Variants in ARL17B observed in about 807,000 individuals in gnomAD.
The protein encoded by ARL17B is ARF like GTPase 17B.
chr17:46,357,267 G>C (rs2052938618), intron 2 of ARL17B, among the ~76,000 whole-genome samples: 1 of 97,918 alleles, frequency 1.0e-5, no homozygotes, highest in South Asian at 3.8e-4. Context: ...GCCACCTGTG[G>C]GGTGTATCCT....
In ARL17B at chr17:46,325,547, A is replaced by G. The variant is rs1373290972; in HGVS notation, c.260-25882T>C. Among the ~76,000 whole-genome samples, 5 of 81,930 alleles carry G rather than the reference A, an allele frequency of 6.1e-5. 2 individuals carry two copies. The highest frequency in any genetic ancestry group is 1.6e-4 in the African/African-American group (5 of 32,124). The allele number at this position is 81,930 out of a possible 152,430, so 53.7% of individuals were successfully genotyped here. On this transcript the variant is annotated intron_variant, in intron 3 of 4. Transcript: ENST00000434041. ...AACAGTTCTAGATTGAAGGAGACTA[A>G]AGAATCATGTACTAAGTGTAATGTC...
At chr17:46,323,620 C>T (rs2051524740) in intron 3 of ARL17B, among the ~76,000 whole-genome samples, 1 of 98,136 alleles carries the variant, frequency 1.0e-5, no homozygotes, top group African/African-American at 3.3e-5. Flanking sequence ...TGGTTTCGAA[C>T]TCCTGACCTC....
chr17:46,291,845 C>T (rs1183037597), intron 4 of ARL17B, among the ~76,000 whole-genome samples: 1 of 151,892 alleles, frequency 6.6e-6, no homozygotes, highest in Non-Finnish European at 1.5e-5. Flanking sequence ...CCTGTAGTCC[C>T]AGATACTTGG....
intron 4 of ARL17B, among the ~76,000 whole-genome samples, chr17:46,276,864 C>T (rs1186385290): frequency 6.8e-6 from 1 of 147,572 alleles, no homozygotes; most frequent in Admixed American, 6.9e-5. Flanking sequence ...AGTGCAGTGG[C>T]ACAATCATGG....
intron 4 of ARL17B, among the ~76,000 whole-genome samples, chr17:46,285,660 G>C (rs1057319087): frequency 6.6e-6 from 1 of 152,232 alleles, no homozygotes; most frequent in African/African-American, 2.4e-5. Flanking sequence ...AGTCACGTTA[G>C]ATTATCTGAG....
Position 46,283,117 on chromosome 17 carries a change from C to CA in ARL17B, c.*22-7700dup, listed in dbSNP as rs551872314. ...CTGGCAACAGGGTGAGACTCCATCT[C>CA]AAAAAAATAAAATAAAATAACCGAG... On this transcript the variant is annotated intron_variant, in intron 4 of 4. Transcript: ENST00000570618. Among the ~76,000 whole-genome samples the CA allele has an allele frequency of 3.0e-3, 457 of 151,804 alleles. 3 individuals are homozygous for CA. The South Asian group carries it at 0.093, about 31-fold the overall frequency.
At position 46,317,024 on chromosome 17, in the gene ARL17B, C is replaced by T. The variant is rs933719319; in HGVS notation, c.260-17359G>A. ...CTATGTCTACTTCTTTCTACACAGA[C>T]ACAGCAACAATCTGATTTCTGTATC... is the stretch of plus-strand genomic sequence containing the variant. On this transcript the variant is annotated intron_variant, in intron 3 of 4. Coordinates refer to the ARL17B transcript ENST00000434041. Among the ~76,000 whole-genome samples, 4 of 95,600 alleles carry T rather than the reference C, an allele frequency of 4.2e-5. 1 individual carries two copies. Among genetic ancestry groups the T allele is most frequent in the African/African-American group, 1.3e-4 (4 of 31,920 alleles). 62.7% of individuals were successfully genotyped at this position (95,600 alleles called of 152,430 possible).
chr17:46,283,157 C>A (rs368856551), intron 4 of ARL17B, among the ~76,000 whole-genome samples: 5,056 of 127,158 alleles, frequency 0.04, no homozygotes, highest in Middle Eastern at 0.095. Context: ...CACAATTCAA[C>A]TGTAATAGAT....
chr17:46,282,111 GT>G (rs1302115502), intron 4 of ARL17B, among the ~76,000 whole-genome samples: 1 of 149,946 alleles, frequency 6.7e-6, no homozygotes, highest in African/African-American at 2.5e-5. Context: ...TTTTGTTTTT[GT>G]TTTTTTTTGA....
At chr17:46,276,755 T>C (rs1166600559) in intron 4 of ARL17B, among the ~76,000 whole-genome samples, 2 of 152,224 alleles carry the variant, frequency 1.3e-5, no homozygotes, top group East Asian at 1.9e-4. Flanking sequence ...GTTGTCTTTA[T>C]ACAATTCTTT....
At chr17:46,285,318 G>A (rs2049876029) in intron 4 of ARL17B, among the ~76,000 whole-genome samples, 2 of 147,924 alleles carry the variant, frequency 1.4e-5, no homozygotes, top group Admixed American at 1.4e-4. Flanking sequence ...TTGGCTCACT[G>A]CAACCTCTGC....
chr17:46,283,180 C>A lies in ARL17B; in HGVS notation c.*22-7762G>T, dbSNP rs1219032237. Among the ~76,000 whole-genome samples, 5 of 152,186 alleles carry A rather than the reference C, an allele frequency of 3.3e-5. No homozygotes were observed. In the South Asian group the frequency reaches 1.0e-3, roughly 31 times the overall value. ...AACTGTAATAGATACTATCAATTTACCCTCCAAAGTGACCATACCAATTTA... is the reference window on the plus strand; with the variant it reads ...AACTGTAATAGATACTATCAATTTAACCTCCAAAGTGACCATACCAATTTA... On this transcript the variant is annotated intron_variant, in intron 4 of 4. Transcript: ENST00000570618.
intron 4 of ARL17B, among the ~76,000 whole-genome samples, chr17:46,287,877 C>T (rs1002081072): frequency 6.6e-6 from 1 of 152,174 alleles, no homozygotes; most frequent in Non-Finnish European, 1.5e-5. Context: ...GACGTAATGA[C>T]AAAAGAAAAA....
intron 4 of ARL17B, among the ~76,000 whole-genome samples, chr17:46,285,670 G>A (rs530757316): frequency 6.6e-6 from 1 of 152,348 alleles, no homozygotes; most frequent in South Asian, 2.1e-4. Flanking sequence ...GATTATCTGA[G>A]TGTTAGATAA....
At chr17:46,279,192 T>C (rs879284031) in intron 4 of ARL17B, among the ~76,000 whole-genome samples, 11 of 150,630 alleles carry the variant, frequency 7.3e-5, no homozygotes, top group African/African-American at 1.2e-4. Flanking sequence ...TTCTTTTTTT[T>C]TTTTTTTTTG....
In ARL17B at chr17:46,312,686, C is replaced by T. The variant is rs1340282717; in HGVS notation, c.260-13021G>A. On this transcript the variant is annotated intron_variant, in intron 3 of 4. Coordinates refer to the ARL17B transcript ENST00000434041. ...AAGGGGTAGCCGACTTTGTACAGAG[C>T]CCACCAGTGGTCTTACAAGTTTTCA... Among the ~76,000 whole-genome samples the T allele has an allele frequency of 3.9e-5, 3 of 76,306 alleles. 1 individual carries two copies. The highest frequency in any genetic ancestry group is 1.6e-4 in the African/African-American group (3 of 18,514). The allele number at this position is 76,306 out of a possible 152,430, so 50.1% of individuals were successfully genotyped here.
intron 4 of ARL17B, among the ~76,000 whole-genome samples, chr17:46,280,279 G>T (rs2696521): frequency 6.6e-6 from 1 of 152,108 alleles, no homozygotes; most frequent in African/African-American, 2.4e-5. Context: ...CAGGAGAATC[G>T]CTTGAACGCG....
rs1199032296 is a variant in ARL17B at position 46,340,216 on chromosome 17, C to CTT, written c.260-444_260-443dup. On this transcript the variant is annotated intron_variant, in intron 3 of 3. Coordinates refer to ENST00000450673, the MANE Select transcript of ARL17B (RefSeq NM_001039083.5). ...TCAGGAGTTTTGTTTGTTTTTTTTT[C>CTT]TTTTTTTTTTTCTTTTAAGGTGGAG... Among the ~76,000 whole-genome samples the CTT allele has an allele frequency of 2.6e-4, 21 of 81,416 alleles. 5 individuals carry two copies. Among genetic ancestry groups the CTT allele is most frequent in the African/African-American group, 6.4e-4 (19 of 29,696 alleles). The allele number at this position is 81,416 out of a possible 152,430, so 53.4% of individuals were successfully genotyped here.
At chr17:46,288,696 C>G (rs1306442832) in intron 4 of ARL17B, among the ~76,000 whole-genome samples, 4 of 148,012 alleles carry the variant, frequency 2.7e-5, no homozygotes, top group Non-Finnish European at 6.0e-5. Flanking sequence ...TTTACTGCAT[C>G]TTGTTTTTTC....
Sources: allele counts gnomAD v4.1 joint callset (sites outside exome capture counted in the v4.1 genomes callset), GRCh38; gene constraint gnomAD v4.1.1; transcripts MANE v1.5; gene names NCBI Gene and HGNC (gene_info 2026-07-23, HGNC 2026-07-21).